PPP6R2: variants seen among roughly 807,000 people sequenced by gnomAD.
PPP6R2 encodes protein phosphatase 6 regulatory subunit 2.
Under a neutral mutation model 100.2 loss-of-function variants are expected in PPP6R2, and 62 were observed. That is an observed-to-expected ratio of 0.62 (90% CI 0.50 to 0.76). The LOEUF is 0.76. PPP6R2 is among the 30% of genes least tolerant of loss of function. The probability of loss-of-function intolerance (pLI) is 0.00; values close to 1 mark genes in which losing one functional copy is unlikely to be tolerated. For missense variants in PPP6R2, 1,142 were observed against 1,276.3 expected (o/e 0.89, Z 1.60); for synonymous variants, 525 against 514.7 (o/e 1.02, Z -0.27).
intron 2 of PPP6R2, among the ~76,000 whole-genome samples, chr22:50,375,462 G>A (rs1032298778): frequency 3.9e-5 from 6 of 152,088 alleles, no homozygotes; most frequent in Admixed American, 1.3e-4. Context: ...AGTTAAGCTC[G>A]ATTCCTCTCA....
At chr22:50,439,888 GCCA>G in intron 20 of PPP6R2, 31 bp downstream of exon 20, 3 of 1,607,998 alleles carry the variant, frequency 1.9e-6, no homozygotes, top group Non-Finnish European at 2.6e-6. Flanking sequence ...AGGGGGCTGT[GCCA>G]GGAAGTGCCT....
chr22:50,352,751 A>AAAAC (rs1569261392), intron 1 of PPP6R2, among the ~76,000 whole-genome samples: 1 of 151,476 alleles, frequency 6.6e-6, no homozygotes, highest in East Asian at 2.0e-4. Context: ...AAAAAAAAAA[A>AAAAC]ACACACAAAA....
At chr22:50,429,448 T>C (rs2148039681) in intron 10 of PPP6R2, among the ~76,000 whole-genome samples, 1 of 152,320 alleles carries the variant, frequency 6.6e-6, no homozygotes, top group South Asian at 2.1e-4. Context: ...CATCCTTGCA[T>C]TTGAGGAGCA....
At chr22:50,339,123 T>G (rs1418711872), upstream of PPP6R2, among the ~76,000 whole-genome samples, 33 of 133,066 alleles carry the variant, frequency 2.5e-4, no homozygotes, top group Non-Finnish European at 3.7e-4. Flanking sequence ...GTAGTGTGTG[T>G]TATGTAGTGT....
chr22:50,347,539 C>A (rs2044072057), intron 1 of PPP6R2, among the ~76,000 whole-genome samples: 1 of 152,074 alleles, frequency 6.6e-6, no homozygotes, highest in Admixed American at 6.6e-5. Flanking sequence ...TGTCCCCCGA[C>A]CTGCCACTCT....
At chr22:50,432,119 TG>T (rs2148124022) in intron 11 of PPP6R2, 145 bp from the exon 12 acceptor site, 1 of 711,640 alleles carries the variant, frequency 1.4e-6, no homozygotes, top group Non-Finnish European at 2.4e-6. Context: ...CCGCGGAGGC[TG>T]GGGCTGTGCG....
intron 10 of PPP6R2, among the ~76,000 whole-genome samples, chr22:50,429,184 C>G (rs1023333765): frequency 1.3e-5 from 2 of 152,176 alleles, no homozygotes; most frequent in African/African-American, 4.8e-5. Context: ...GCGTGTGCCA[C>G]CATGCCCGGC....
At chr22:50,342,004 A>AGAG (rs909227713), upstream of PPP6R2, among the ~76,000 whole-genome samples, 1 of 150,924 alleles carries the variant, frequency 6.6e-6, no homozygotes, top group African/African-American at 2.4e-5. Context: ...AAAAAAAAAA[A>AGAG]GAGGAGGAGA....
At chr22:50,441,862 T>A (rs2065715932) in intron 22 of PPP6R2, among the ~76,000 whole-genome samples, 1 of 152,050 alleles carries the variant, frequency 6.6e-6, no homozygotes, top group African/African-American at 2.4e-5. Flanking sequence ...GCAGGACCGC[T>A]GGGGTAGATG....
chr22:50,442,042 G>A (rs2065772715), intron 22 of PPP6R2, among the ~76,000 whole-genome samples: 1 of 152,158 alleles, frequency 6.6e-6, no homozygotes, highest in Non-Finnish European at 1.5e-5. Context: ...GGGACAAGGT[G>A]CCTTTCACAT....
At chr22:50,418,798 G>T (rs1404238676) in intron 6 of PPP6R2, 69 bp from the exon 7 acceptor site, 2 of 1,234,258 alleles carry the variant, frequency 1.6e-6, no homozygotes, top group East Asian at 4.7e-5. Context: ...TGCCCTGTGT[G>T]CCCAGCAGGG....
At chr22:50,398,274 T>G (rs2057435275) in intron 3 of PPP6R2, among the ~76,000 whole-genome samples, 1 of 149,840 alleles carries the variant, frequency 6.7e-6, no homozygotes, top group Non-Finnish European at 1.5e-5. Context: ...CAGGTTCAAG[T>G]GATTCTCCTG....
Position 50,408,158 on chromosome 22 carries a change from A to G in PPP6R2, c.414+1283A>G, listed in dbSNP as rs529136392. On this transcript the variant is annotated intron_variant, in intron 4 of 23. Coordinates refer to ENST00000612753, the MANE Select transcript of PPP6R2 (RefSeq NM_001242898.2). The stretch of plus-strand genomic sequence containing the variant: ...TGCCCAGGCCTCCCAAAGTCCTGGG[A>G]CTACAGGTGTGAGCCACGATGCCCA... Among the ~76,000 whole-genome samples the G allele has an allele frequency of 2.1e-3, 327 of 152,302 alleles. 1 individual carries two copies. Among genetic ancestry groups the G allele is most frequent in the African/African-American group, 7.7e-3 (319 of 41,558 alleles).
intron 4 of PPP6R2, among the ~76,000 whole-genome samples, chr22:50,410,447 T>G (rs945419256): frequency 4.0e-5 from 6 of 151,670 alleles, no homozygotes; most frequent in South Asian, 2.1e-4. Context: ...ATTTGATATC[T>G]TTGTATTATT....
At chr22:50,429,114 G>A (rs907098713) in intron 10 of PPP6R2, among the ~76,000 whole-genome samples, 9 of 151,658 alleles carry the variant, frequency 5.9e-5, no homozygotes, top group Admixed American at 1.3e-4. Context: ...CACGGCAACC[G>A]CCGCCTCCTG....
intron 2 of PPP6R2, among the ~76,000 whole-genome samples, chr22:50,387,772 C>T (rs1459240704): frequency 2.0e-5 from 3 of 152,182 alleles, no homozygotes; most frequent in African/African-American, 4.8e-5. Flanking sequence ...CCGCGGCGCA[C>T]GCCCTCTGTG....
chr22:50,356,271 T>G (rs2046554087), intron 1 of PPP6R2, among the ~76,000 whole-genome samples: 1 of 151,908 alleles, frequency 6.6e-6, no homozygotes, highest in South Asian at 2.1e-4. Flanking sequence ...GCCTTCCCTC[T>G]TCTTTTTAAC....
upstream of PPP6R2, among the ~76,000 whole-genome samples, chr22:50,338,303 GGTGT>G (rs1179723462): frequency 4.8e-5 from 7 of 146,532 alleles, no homozygotes; most frequent in Non-Finnish European, 9.1e-5. Context: ...TGTAGTGTGT[GGTGT>G]GTGTGTGGTG....
At chr22:50,353,366 C>G (rs974281211) in intron 1 of PPP6R2, among the ~76,000 whole-genome samples, 59 of 152,094 alleles carry the variant, frequency 3.9e-4, no homozygotes, top group African/African-American at 1.3e-3. Flanking sequence ...GTAGGGAGCC[C>G]TGAGGAGAGG....
Sources: allele counts gnomAD v4.1 joint callset (sites outside exome capture counted in the v4.1 genomes callset), GRCh38; gene constraint gnomAD v4.1.1; transcripts MANE v1.5; gene names NCBI Gene and HGNC (gene_info 2026-07-23, HGNC 2026-07-21).